Variants in GLIS3 observed in about 807,000 individuals in gnomAD.
The protein encoded by GLIS3 is GLIS family zinc finger 3.
GLIS3 carries 53 observed loss-of-function variants against 78.6 expected under a neutral mutation model. That is an observed-to-expected ratio of 0.67 (90% CI 0.54 to 0.85). The LOEUF (loss-of-function observed/expected upper bound fraction) is 0.85, where lower values mean the gene tolerates loss of function less well. Among genes scored for constraint, GLIS3 ranks in the 40% least tolerant of loss-of-function variants. The pLI is 0.00. For synonymous variants in GLIS3, 684 were observed against 509.9 expected, an observed-to-expected ratio of 1.34 and a Z score of -4.60; for missense variants, 1,703 against 1,231.1, an observed-to-expected ratio of 1.38 and a Z score of -5.74.
the GLIS3 span, among the ~76,000 whole-genome samples, chr9:4,471,369 C>T: frequency 6.6e-6 from 1 of 152,182 alleles, no homozygotes; most frequent in South Asian, 2.1e-4. Context: ...TGCCAGGCTA[C>T]AGTAACCAAA....
chr9:4,417,697 C>T, the GLIS3 span, among the ~76,000 whole-genome samples: 1 of 152,032 alleles, frequency 6.6e-6, no homozygotes, highest in Non-Finnish European at 1.5e-5. Context: ...ATTTTGTTGT[C>T]CTCAAAAAGG....
At chr9:4,456,064 C>T in the GLIS3 span, among the ~76,000 whole-genome samples, 5 of 151,760 alleles carry the variant, frequency 3.3e-5, no homozygotes, top group East Asian at 1.9e-4. Context: ...GCTGAGATCA[C>T]GCCACTGCAC....
chr9:4,488,728 G>A, the GLIS3 span, among the ~76,000 whole-genome samples: 3 of 152,050 alleles, frequency 2.0e-5, no homozygotes, highest in African/African-American at 7.3e-5. Flanking sequence ...ATGTTGGCCA[G>A]GCTGGTCTCG....
At chr9:4,116,173 A>G (rs1343713782) in intron 4 of GLIS3, among the ~76,000 whole-genome samples, 2 of 152,236 alleles carry the variant, frequency 1.3e-5, no homozygotes, top group South Asian at 2.1e-4. Context: ...CTTTATGTTT[A>G]TTTCAGTAAA....
intron 4 of GLIS3, among the ~76,000 whole-genome samples, chr9:4,106,330 G>A (rs533636133): frequency 6.6e-5 from 10 of 151,980 alleles, no homozygotes; most frequent in African/African-American, 9.7e-5. Context: ...TTTTATTGTC[G>A]CTCCTGATAA....
At chr9:4,216,479 CA>C (rs71324289) in intron 2 of GLIS3, among the ~76,000 whole-genome samples, 24,096 of 76,540 alleles carry the variant, frequency 0.31, 1,323 homozygotes, top group Middle Eastern at 0.43. Context: ...GACTCTGTCT[CA>C]AAAAAAAAAA....
At chr9:3,984,876 G>A (rs1029621237) in intron 4 of GLIS3, among the ~76,000 whole-genome samples, 4 of 152,172 alleles carry the variant, frequency 2.6e-5, no homozygotes, top group African/African-American at 9.7e-5. Flanking sequence ...CGCGAGATCT[G>A]ATGGTTTTCA....
the GLIS3 span, among the ~76,000 whole-genome samples, chr9:4,421,313 T>C: frequency 6.6e-6 from 1 of 152,138 alleles, no homozygotes; most frequent in Admixed American, 6.5e-5. Context: ...GGGCAGGTGG[T>C]GAAGGCAAGC....
chr9:4,483,447 C>CAT, the GLIS3 span, among the ~76,000 whole-genome samples: 8 of 151,830 alleles, frequency 5.3e-5, no homozygotes, highest in Non-Finnish European at 1.0e-4. Flanking sequence ...TGGCTGGGTG[C>CAT]GGTGGCTCAC....
intron 2 of GLIS3, among the ~76,000 whole-genome samples, chr9:4,311,892 C>T (rs6476847): frequency 0.72 from 109,557 of 152,064 alleles, 39,922 homozygotes; most frequent in East Asian, 0.97. Flanking sequence ...AGAAAAGATC[C>T]TTTAAAAATC....
chr9:4,109,092 A>C (rs913553112), intron 4 of GLIS3, among the ~76,000 whole-genome samples: 2 of 152,164 alleles, frequency 1.3e-5, no homozygotes, highest in African/African-American at 4.8e-5. Flanking sequence ...TCTCCTCTAA[A>C]CAGCTCAAGC....
At chr9:4,097,918 G>C (rs1254078444) in intron 4 of GLIS3, among the ~76,000 whole-genome samples, 1 of 152,084 alleles carries the variant, frequency 6.6e-6, no homozygotes, top group Non-Finnish European at 1.5e-5. Context: ...AATTTTTTTT[G>C]TGGGTCATTT....
chr9:4,315,832 T>A (rs1247329272), intron 2 of GLIS3, among the ~76,000 whole-genome samples: 1 of 151,926 alleles, frequency 6.6e-6, no homozygotes, highest in Non-Finnish European at 1.5e-5. Context: ...TGACCCTAGC[T>A]CAGCAGTACC....
chr9:3,852,645 G>GT (rs778625617), intron 9 of GLIS3, among the ~76,000 whole-genome samples: 8 of 152,162 alleles, frequency 5.3e-5, no homozygotes, highest in Non-Finnish European at 8.8e-5. Flanking sequence ...CGCTAGAAAT[G>GT]TTGCCTACAA....
At chr9:4,395,100 G>A in the GLIS3 span, among the ~76,000 whole-genome samples, 2 of 152,300 alleles carry the variant, frequency 1.3e-5, no homozygotes, top group South Asian at 2.1e-4. Flanking sequence ...TTTATTGCAT[G>A]TCTCCAACAT....
At chr9:4,132,097 T>C (rs112077103) in intron 2 of GLIS3, among the ~76,000 whole-genome samples, 28 of 151,708 alleles carry the variant, frequency 1.8e-4, no homozygotes, top group African/African-American at 6.5e-4. Context: ...AGAAGAAAAG[T>C]TTCCTGAAAA....
At chr9:4,388,827 A>T in the GLIS3 span, among the ~76,000 whole-genome samples, 5 of 152,232 alleles carry the variant, frequency 3.3e-5, no homozygotes, top group Non-Finnish European at 7.3e-5. Flanking sequence ...AATTAATAAT[A>T]GCCAAAAACA....
At chr9:4,349,480 T>A (rs140794456), upstream of GLIS3, among the ~76,000 whole-genome samples, 1 of 152,168 alleles carries the variant, frequency 6.6e-6, no homozygotes, top group African/African-American at 2.4e-5. Flanking sequence ...AGGATTTATA[T>A]TGATGAGTAG....
the GLIS3 span, among the ~76,000 whole-genome samples, chr9:4,361,190 G>A: frequency 4.6e-5 from 7 of 152,298 alleles, 1 homozygote; most frequent in South Asian, 1.5e-3. Flanking sequence ...GTCCTCTGTA[G>A]AAAGGAGCAG....
Sources: gnomAD v4.1 joint callset for allele counts (sites outside exome capture counted in the v4.1 genomes callset) on GRCh38, gnomAD v4.1.1 for gene constraint, MANE v1.5 for transcripts, NCBI Gene and HGNC (gene_info 2026-07-23, HGNC 2026-07-21) for gene names.